Variants in SLC38A11 observed in about 807,000 individuals in gnomAD.
SLC38A11 encodes solute carrier family 38 member 11.
Under a neutral mutation model 49.4 loss-of-function variants are expected in SLC38A11, and 51 were observed. The ratio of observed to expected loss-of-function variants is 1.03; its 90% CI spans 0.83 to 1.30. The LOEUF is 1.30. Among genes scored for constraint, SLC38A11 ranks in the 50% most tolerant of loss-of-function variants. The pLI is 0.00. For missense variants in SLC38A11, 574 were observed against 556.2 expected (o/e 1.03, Z -0.32); for synonymous variants, 203 against 192.9 (o/e 1.05, Z -0.43).
At chr2:164,916,558 A>G (rs1685804753) in intron 7 of SLC38A11, among the ~76,000 whole-genome samples, 1 of 152,156 alleles carries the variant, frequency 6.6e-6, no homozygotes, top group Non-Finnish European at 1.5e-5. Context: ...CAAGCTCTGG[A>G]TGGTGATATA....
chr2:164,927,039 C>A (rs1404622863), intron 7 of SLC38A11, among the ~76,000 whole-genome samples: 2 of 151,942 alleles, frequency 1.3e-5, no homozygotes, highest in Non-Finnish European at 2.9e-5. Context: ...AGAGGTGGGG[C>A]CTTTAGGAGG....
intron 7 of SLC38A11, among the ~76,000 whole-genome samples, chr2:164,916,280 G>A (rs1478782061): frequency 6.6e-6 from 1 of 152,010 alleles, no homozygotes; most frequent in Non-Finnish European, 1.5e-5. Context: ...AGACAGCATT[G>A]ATTATGCACC....
chr2:164,908,980 TAGTC>T (rs1052143044), intron 10 of SLC38A11, among the ~76,000 whole-genome samples: 39 of 152,296 alleles, frequency 2.6e-4, no homozygotes, highest in African/African-American at 8.2e-4. Context: ...GTTGAACTAT[TAGTC>T]AGTGGATTAT....
Position 164,955,333 on chromosome 2 carries a change from A to C in SLC38A11, c.-86T>G. On this transcript the variant is annotated 5_prime_UTR_variant, in exon 1 of 12. Transcript: ENST00000685975. ...GCCAGCCTCCTCCGCCACCTCGCAC[A>C]CAGCCGAGGTCCGCGTGTAGCCGCA... The C allele has an allele frequency of 7.7e-7, 1 of 1,294,900 alleles. No homozygotes were observed. Among genetic ancestry groups the C allele is most frequent in the South Asian group, 1.3e-5 (1 of 78,740 alleles). 80.2% of individuals were successfully genotyped at this position (1,294,900 alleles called of 1,614,324 possible).
At chr2:164,939,584 T>G (rs1296841902) in intron 5 of SLC38A11, 28 bp from the exon 6 acceptor site, 1 of 1,491,596 alleles carries the variant, frequency 6.7e-7, no homozygotes, top group Non-Finnish European at 9.3e-7. Context: ...TTATTAAATG[T>G]TACAGGTATA....
At chr2:164,924,957 A>G (rs2105476993) in intron 7 of SLC38A11, among the ~76,000 whole-genome samples, 1 of 152,150 alleles carries the variant, frequency 6.6e-6, no homozygotes, top group East Asian at 1.9e-4. Context: ...ACGGGGTTTC[A>G]CTGTGGTCTC....
chr2:164,944,949 C>G (rs1373278231), intron 4 of SLC38A11, among the ~76,000 whole-genome samples: 3 of 152,130 alleles, frequency 2.0e-5, no homozygotes. Flanking sequence ...AACCCCTTTT[C>G]AGGAACACGT....
At chr2:164,929,017 T>G (rs1043169150) in intron 7 of SLC38A11, among the ~76,000 whole-genome samples, 1 of 152,236 alleles carries the variant, frequency 6.6e-6, no homozygotes, top group African/African-American at 2.4e-5. Flanking sequence ...AAAGATGGTA[T>G]TTTTTTAGAG....
rs1685639430 is a variant in SLC38A11 at position 164,914,623 on chromosome 2, A to C, written c.850+489T>G. The stretch of plus-strand genomic sequence containing the variant: ...ATCTGGGTGGTGTGGGATGGAGTGG[A>C]GTGGGGGATTAGAGAGGGTAAAGAA... On this transcript the variant is annotated intron_variant, in intron 9 of 11. Transcript: ENST00000685975. 3.3e-5 allele frequency among the ~76,000 whole-genome samples: 5 copies of C among 151,752 alleles called. No homozygotes were observed. The Admixed American group carries it at 3.3e-4, about 10-fold the overall frequency.
chr2:164,942,754 T>C (rs1176719959), intron 5 of SLC38A11, among the ~76,000 whole-genome samples: 2 of 152,164 alleles, frequency 1.3e-5, no homozygotes, highest in African/African-American at 4.8e-5. Context: ...CTACAGACAG[T>C]TCGGGGTAAC....
At chr2:164,952,888 C>G (rs1387141673) in intron 2 of SLC38A11, 107 bp from the exon 3 acceptor site, 2 of 761,826 alleles carry the variant, frequency 2.6e-6, no homozygotes, top group Non-Finnish European at 4.5e-6. Flanking sequence ...AATTTATATA[C>G]TTATATGACG....
chr2:164,907,435 G>A (rs1015963063), intron 11 of SLC38A11, among the ~76,000 whole-genome samples: 5 of 151,266 alleles, frequency 3.3e-5, no homozygotes, highest in African/African-American at 4.9e-5. Context: ...CACCAAACCC[G>A]GCTAATTTTT....
At position 164,954,622 on chromosome 2, in the gene SLC38A11, T is replaced by C. The variant is rs770350027; in HGVS notation, c.154+9A>G. On this transcript the variant is annotated intron_variant, in intron 2 of 11. Transcript: ENST00000685975. ...CACTTAAAATTTAAACCAAAGCAAA[T>C]ACACTTACCTATTATACCAGATCCT... 3.6e-6 allele frequency: 5 copies of C among 1,401,032 alleles called. No individual in the cohort carries two copies. Among genetic ancestry groups the C allele is most frequent in the Non-Finnish European group, 4.8e-6 (5 of 1,044,224 alleles). 86.8% of individuals were successfully genotyped at this position (1,401,032 alleles called of 1,614,324 possible). A position where few individuals can be genotyped will look rare whatever the true frequency, so the allele number is the denominator to read the frequency against.
chr2:164,948,150 C>T (rs1869543), intron 3 of SLC38A11, among the ~76,000 whole-genome samples: 66,738 of 152,040 alleles, frequency 0.44, 15,077 homozygotes, highest in South Asian at 0.68. Context: ...ATATGGCACC[C>T]TTGAAGAGTG....
At position 164,947,117 on chromosome 2, in the gene SLC38A11, C is replaced by CTTTTTTTTTTTTTTTTTTTTTTTT. The variant is rs200284770; in HGVS notation, c.230-1414_230-1391dup. Among the ~76,000 whole-genome samples the CTTTTTTTTTTTTTTTTTTTTTTTT allele has an allele frequency of 5.5e-5, 4 of 72,910 alleles. 1 individual carries two copies. Among genetic ancestry groups the CTTTTTTTTTTTTTTTTTTTTTTTT allele is most frequent in the African/African-American group, 3.1e-4 (4 of 12,992 alleles). The allele number at this position is 72,910 out of a possible 152,430, so 47.8% of individuals were successfully genotyped here. A position where few individuals can be genotyped will look rare whatever the true frequency, so the allele number is the denominator to read the frequency against. On this transcript the variant is annotated intron_variant, in intron 3 of 11. Transcript: ENST00000685975. ...CCTGGATTCTTGGACTTTTTTATCTCTTTTTTTTTTTTTTTTTTTTTTTTT... is the reference window on the plus strand; with the variant it reads ...CCTGGATTCTTGGACTTTTTTATCTCTTTTTTTTTTTTTTTTTTTTTTTTTTTTTTTTTTTTTTTTTTTTTTTTT...
intron 7 of SLC38A11, among the ~76,000 whole-genome samples, chr2:164,934,817 T>C (rs973776967): frequency 2.6e-5 from 4 of 152,194 alleles, no homozygotes; most frequent in African/African-American, 9.7e-5. Flanking sequence ...AATATACTTA[T>C]TAGCTTTCTG....
chr2:164,916,953 A>G (rs1276655110), intron 7 of SLC38A11, among the ~76,000 whole-genome samples: 1 of 152,214 alleles, frequency 6.6e-6, no homozygotes, highest in Non-Finnish European at 1.5e-5. Context: ...ACTGGGGATA[A>G]TTGTAGTATC....
Position 164,908,629 on chromosome 2 carries a change from C to T in SLC38A11, c.1095+11G>A. On this transcript the variant is annotated intron_variant, in intron 11 of 11. Transcript: ENST00000685975. ...TTTAGAGTGAAGGGGTAAATCTTTG[C>T]ACGTACTCACATTGAGTTCTAGAAC... The T allele has an allele frequency of 1.3e-6, 2 of 1,516,516 alleles. No individual in the cohort carries two copies. Among genetic ancestry groups the T allele is most frequent in the Non-Finnish European group, 1.8e-6 (2 of 1,125,260 alleles). The allele number at this position is 1,516,516 out of a possible 1,614,324, so 93.9% of individuals were successfully genotyped here.
intron 3 of SLC38A11, among the ~76,000 whole-genome samples, chr2:164,946,357 G>A (rs1688105263): frequency 6.6e-6 from 1 of 152,050 alleles, no homozygotes. Context: ...CTCGAGGTCA[G>A]GAGATCAAGG....
Sources: allele counts gnomAD v4.1 joint callset (sites outside exome capture counted in the v4.1 genomes callset), GRCh38; gene constraint gnomAD v4.1.1; transcripts MANE v1.5; gene names NCBI Gene and HGNC (gene_info 2026-07-23, HGNC 2026-07-21).